The following UGT1A9 variants were observed in gnomAD, a reference collection of about 807,000 sequenced individuals.
UGT1A9 encodes the protein UDP-glucuronosyltransferase 1A9.
In UGT1A9, 35 loss-of-function variants were observed where a neutral mutation model predicts 45.0. The observed-to-expected ratio is 0.78, with a 90% CI of 0.59 to 1.03. UGT1A9 has a LOEUF of 1.03. Ranked by LOEUF, UGT1A9 falls within the 50% of genes least tolerant of loss-of-function variation. The probability of loss-of-function intolerance (pLI) is 0.00; values close to 1 mark genes in which losing one functional copy is unlikely to be tolerated. For missense variants in UGT1A9, 687 were observed against 666.6 expected, an observed-to-expected ratio of 1.03 and a Z score of -0.34; for synonymous variants, 278 against 250.6, an observed-to-expected ratio of 1.11 and a Z score of -1.03.
At position 233,713,960 on chromosome 2, in the gene UGT1A9, A is replaced by T; in HGVS notation, c.855+41171A>T. 4.4e-6 allele frequency: 7 copies of T among 1,607,060 alleles called. No homozygotes were observed. The East Asian group carries it at 1.3e-4, about 31-fold the overall frequency. The stretch of plus-strand genomic sequence containing the variant: ...TCCATATCTACTTATCTTTCCAAAG[A>T]TTTCATTTCTGCTTCTCATTGTTGT... On this transcript the variant is annotated intron_variant, in intron 1 of 4. Coordinates refer to ENST00000354728, the MANE Select transcript of UGT1A9 (RefSeq NM_021027.3).
At chr2:233,690,030 T>C in intron 1 of UGT1A9, 1 of 429,918 alleles carries the variant, frequency 2.3e-6, no homozygotes, top group South Asian at 1.7e-5. Flanking sequence ...CCTCAAGATC[T>C]GGGCCCAGAG....
At chr2:233,674,073 C>G (rs536314636) in intron 1 of UGT1A9, among the ~76,000 whole-genome samples, 2 of 152,104 alleles carry the variant, frequency 1.3e-5, no homozygotes, top group African/African-American at 2.4e-5. Context: ...CACCTAATGT[C>G]TAATCTCAGT....
At chr2:233,685,612 C>G (rs948658757) in intron 1 of UGT1A9, among the ~76,000 whole-genome samples, 1 of 152,198 alleles carries the variant, frequency 6.6e-6, no homozygotes, top group Non-Finnish European at 1.5e-5. Context: ...TTATTTATTT[C>G]AACTTTTTAT....
At chr2:233,768,058 CTT>C in intron 3 of UGT1A9, 122 bp downstream of exon 3, 1 of 1,601,872 alleles carries the variant, frequency 6.2e-7, no homozygotes, top group East Asian at 2.2e-5. Context: ...TCCTACATTG[CTT>C]TTTATCTAGT....
At chr2:233,767,333 T>C (rs921656362) in intron 2 of UGT1A9, among the ~76,000 whole-genome samples, 168 bp downstream of exon 2, 5 of 152,208 alleles carry the variant, frequency 3.3e-5, no homozygotes, top group African/African-American at 1.2e-4. Flanking sequence ...GTTGTTGTCA[T>C]TGTTTTCAAT....
At chr2:233,702,346 AT>A (rs1310993956) in intron 1 of UGT1A9, among the ~76,000 whole-genome samples, 1 of 152,068 alleles carries the variant, frequency 6.6e-6, no homozygotes, top group African/African-American at 2.4e-5. Context: ...ATTTGTTCTA[AT>A]AGTTTTTTTT....
chr2:233,752,697 G>A (rs1396469701), intron 1 of UGT1A9, among the ~76,000 whole-genome samples: 1 of 152,136 alleles, frequency 6.6e-6, no homozygotes, highest in African/African-American at 2.4e-5. Context: ...GTTTACTAGT[G>A]GGGTATGATC....
intron 1 of UGT1A9, among the ~76,000 whole-genome samples, chr2:233,751,757 T>C (rs763533308): frequency 6.6e-6 from 1 of 152,222 alleles, no homozygotes; most frequent in Non-Finnish European, 1.5e-5. Flanking sequence ...CTTGCTGCCA[T>C]GTGAGACATG....
At chr2:233,726,567 G>A (rs142621262) in intron 1 of UGT1A9, among the ~76,000 whole-genome samples, 285 of 152,062 alleles carry the variant, frequency 1.9e-3, no homozygotes, top group African/African-American at 5.9e-3. Context: ...CCACTCTTAC[G>A]CCTGTCTCCT....
At chr2:233,755,053 C>CCCTCG (rs778721180) in intron 1 of UGT1A9, 9 of 1,332,572 alleles carry the variant, frequency 6.8e-6, no homozygotes, top group Non-Finnish European at 6.1e-6. Flanking sequence ...CCGCCCTCCG[C>CCCTCG]CCTCGCCTCG....
chr2:233,689,857 C>T (rs943551685), intron 1 of UGT1A9: 16 of 455,944 alleles, frequency 3.5e-5, no homozygotes, highest in Admixed American at 2.4e-4. Context: ...TTTTAGGCTA[C>T]TATTACCTTC....
At chr2:233,731,900 A>G (rs2078218151) in intron 1 of UGT1A9, among the ~76,000 whole-genome samples, 1 of 152,238 alleles carries the variant, frequency 6.6e-6, no homozygotes. Flanking sequence ...CACTCCCACC[A>G]ATGGTGTAAA....
intron 1 of UGT1A9, among the ~76,000 whole-genome samples, chr2:233,699,316 A>G (rs1346497973): frequency 6.6e-6 from 1 of 151,896 alleles, no homozygotes; most frequent in African/African-American, 2.4e-5. Context: ...CCTTTTTGCT[A>G]TTTTGTTGAG....
At chr2:233,764,935 G>T (rs1212843122) in intron 1 of UGT1A9, among the ~76,000 whole-genome samples, 1 of 152,204 alleles carries the variant, frequency 6.6e-6, no homozygotes, top group Non-Finnish European at 1.5e-5. Context: ...GGGCTGGTGA[G>T]AGTGGCGGGG....
chr2:233,719,744 T>C, intron 1 of UGT1A9: 2 of 1,612,994 alleles, frequency 1.2e-6, no homozygotes, highest in South Asian at 1.1e-5. Context: ...TTTTAAAAAA[T>C]GTATTTACTT....
intron 1 of UGT1A9, chr2:233,729,209 G>T (rs1321436420): frequency 6.2e-7 from 1 of 1,613,990 alleles, no homozygotes. Flanking sequence ...TGGGCTGAGA[G>T]TGGAAAGGTG....
At position 233,672,641 on chromosome 2, in the gene UGT1A9, A is replaced by C; in HGVS notation, c.707A>C (p.Gln236Pro). The change falls in exon 1 of 5, where the codon CAA (glutamine) becomes CCA (proline). Residue 236 changes from glutamine to proline, a missense_variant. Gln to Pro is a moderately conservative substitution (Grantham distance 76). Coordinates refer to ENST00000354728, the MANE Select transcript of UGT1A9 (RefSeq NM_021027.3). ...CTAGAAATAGCCTCTGAAATTCTCC[A>C]AACACCTGTTACGGAGTATGATCTC... The part of the protein sequence containing the change: ...NALEIASEIL[Q>P]TPVTEYDLYS... 6.2e-7 allele frequency: 1 copy of C among 1,613,938 alleles called. No homozygotes were observed. The highest frequency in any genetic ancestry group is 8.5e-7 in the Non-Finnish European group (1 of 1,179,836).
chr2:233,719,178 G>T lies in UGT1A9; in HGVS notation c.855+46389G>T, dbSNP rs749190317. 40 of 1,614,238 alleles carry T rather than the reference G, an allele frequency of 2.5e-5. No homozygotes were observed. The South Asian group carries it at 4.2e-4, about 17-fold the overall frequency. ...TAGAAGTATGGCAATTATGAACAAT[G>T]TATCTTTGGCCCTTCATAGGTGTTG... is the stretch of plus-strand genomic sequence containing the variant. On this transcript the variant is annotated intron_variant, in intron 1 of 4. Transcript: ENST00000354728.
At chr2:233,759,349 A>T (rs900901642) in intron 1 of UGT1A9, among the ~76,000 whole-genome samples, 3 of 152,146 alleles carry the variant, frequency 2.0e-5, no homozygotes, top group African/African-American at 4.8e-5. Flanking sequence ...GAGCGCTGAA[A>T]ATCTCAACTA....
Sources: gnomAD v4.1 joint callset for allele counts (sites outside exome capture counted in the v4.1 genomes callset) on GRCh38, gnomAD v4.1.1 for gene constraint, MANE v1.5 for transcripts, NCBI Gene and HGNC (gene_info 2026-07-23, HGNC 2026-07-21) for gene names.